MEAK7: variants seen among roughly 807,000 people sequenced by gnomAD.
MEAK7 encodes the protein MTOR-associated protein MEAK7.
MEAK7 carries 68 observed loss-of-function variants against 40.5 expected under a neutral mutation model. That is an observed-to-expected ratio of 1.68 (90% CI 1.38 to 2.06). The LOEUF (loss-of-function observed/expected upper bound fraction) is 2.06. Among genes scored for constraint, MEAK7 ranks in the 30% most tolerant of loss-of-function variants. MEAK7 has a pLI of 0.00. For synonymous variants in MEAK7, 338 were observed against 231.9 expected, an observed-to-expected ratio of 1.46 and a Z score of -4.16; for missense variants, 918 against 580.5, an observed-to-expected ratio of 1.58 and a Z score of -5.98.
chr16:84,497,671 T>G (rs761567464), intron 2 of MEAK7: 7 of 1,462,916 alleles, frequency 4.8e-6, no homozygotes, highest in Non-Finnish European at 6.4e-6. Flanking sequence ...AAGAGACTAT[T>G]GATTTCAAAA....
chr16:84,480,703 C>T lies in MEAK7; in HGVS notation c.1083G>A (p.Met361Ile), dbSNP rs202056370. The part of the protein sequence containing the change: ...GQQTIPNGLG[M>I]GGQHNYFGLW... ...GCCCAAAGTAATTGTGCTGCCCCCC[C>T]ATACCCTGCAAAGGAAGCCAGGACA... Residue 361 changes from methionine (M) to isoleucine (I), a missense_variant, in exon 7 of 8, where the codon ATG becomes ATA. Transcript: ENST00000343629. 8 of 1,610,996 alleles carry T rather than the reference C, an allele frequency of 5.0e-6. No individual in the cohort carries two copies. Among genetic ancestry groups the T allele is most frequent in the East Asian group, 2.2e-5 (1 of 44,794 alleles).
At position 84,477,361 on chromosome 16, in the gene MEAK7, T is replaced by C. The variant is rs1325639785; in HGVS notation, c.*2552A>G. ...CATGTGCCACCATGCCCAGCTAATT[T>C]TGTATTTTTAGTAGAGATGGGGTTT... On this transcript the variant is annotated 3_prime_UTR_variant, in exon 8 of 8. Transcript: ENST00000343629. 6.6e-6 allele frequency: 1 copy of C among 152,146 alleles called. No individual in the cohort carries two copies. The highest frequency in any genetic ancestry group is 1.5e-5 in the Non-Finnish European group (1 of 68,064). The allele number at this position is 152,146 out of a possible 1,614,324, so 9.4% of individuals were successfully genotyped here.
In MEAK7 at chr16:84,486,840, G is replaced by C. The variant is rs754468669; in HGVS notation, c.749C>G (p.Ser250Cys). 6.2e-7 allele frequency: 1 copy of C among 1,614,012 alleles called. No homozygotes were observed. Among genetic ancestry groups the C allele is most frequent in the Non-Finnish European group, 8.5e-7 (1 of 1,180,016 alleles). ...CAGCTGGGCGTTGATGTACATGACA[G>C]AGAGGACATCCAGGATGCTCTCAAA... is the stretch of plus-strand genomic sequence containing the variant. ...RGFESILDVL[S>C]VMYINAQLPR... The change falls in exon 5 of 8, where the codon TCT becomes TGT. Residue 250 changes from serine (S) to cysteine (C), a missense_variant. Ser to Cys is a moderately radical substitution (Grantham distance 112). Coordinates refer to ENST00000343629, the MANE Select transcript of MEAK7 (RefSeq NM_020947.4).
chr16:84,478,620 CGT>C lies in MEAK7; in HGVS notation c.*1291_*1292del, dbSNP rs1195273543. ...ATCTCATGGCCAACCGGTGACTCAC[CGT>C]GTGTTGTTTTCCAGACGTGGGCAGA... On this transcript the variant is annotated 3_prime_UTR_variant, in exon 8 of 8. Coordinates refer to ENST00000343629, the MANE Select transcript of MEAK7 (RefSeq NM_020947.4). The C allele has an allele frequency of 1.3e-5, 2 of 152,200 alleles. No homozygotes were observed. Among genetic ancestry groups the C allele is most frequent in the Non-Finnish European group, 2.9e-5 (2 of 68,048 alleles). 9.4% of individuals were successfully genotyped at this position (152,200 alleles called of 1,614,324 possible).
Position 84,478,006 on chromosome 16 carries a change from A to C in MEAK7, c.*1907T>G, listed in dbSNP as rs531370386. Reference sequence around the variant, plus strand: ...CCTTTGCAGCGGCCTGGGCAGAAGCAGCAATCAATGGTCACCAAGGCACAG... The same window carrying C: ...CCTTTGCAGCGGCCTGGGCAGAAGCCGCAATCAATGGTCACCAAGGCACAG... On this transcript the variant is annotated 3_prime_UTR_variant, in exon 8 of 8. Coordinates refer to ENST00000343629, the MANE Select transcript of MEAK7 (RefSeq NM_020947.4). The C allele has an allele frequency of 6.6e-6, 1 of 152,366 alleles. No individual in the cohort carries two copies. The highest frequency in any genetic ancestry group is 2.4e-5 in the African/African-American group (1 of 41,574). 9.4% of individuals were successfully genotyped at this position (152,366 alleles called of 1,614,324 possible).
At chr16:84,502,331 A>T (rs1278358139) in intron 1 of MEAK7, among the ~76,000 whole-genome samples, 17 of 129,964 alleles carry the variant, frequency 1.3e-4, no homozygotes, top group Non-Finnish European at 5.1e-5. Context: ...GAGGCCAGGG[A>T]TACTGCTAAA....
intron 5 of MEAK7, among the ~76,000 whole-genome samples, chr16:84,483,535 A>T (rs1170438329): frequency 6.6e-6 from 1 of 152,242 alleles, no homozygotes; most frequent in Admixed American, 6.5e-5. Context: ...ATCAGGTGGG[A>T]AAGAAGTCAC....
At chr16:84,494,625 G>C in intron 3 of MEAK7, 1 of 340,984 alleles carries the variant, frequency 2.9e-6, no homozygotes, top group South Asian at 2.3e-5. Context: ...GAGTTTTCCA[G>C]TGTTGTCTTC....
chr16:84,500,914 G>T (rs530841150), intron 1 of MEAK7, among the ~76,000 whole-genome samples: 1 of 151,996 alleles, frequency 6.6e-6, no homozygotes, highest in Admixed American at 6.6e-5. Context: ...CCAACGACAT[G>T]AAACCCCATC....
intron 1 of MEAK7, among the ~76,000 whole-genome samples, chr16:84,498,340 C>T (rs1055062703): frequency 6.6e-6 from 1 of 152,150 alleles, no homozygotes; most frequent in Non-Finnish European, 1.5e-5. Flanking sequence ...GCCATCACAG[C>T]TCCCTGCAGC....
Position 84,486,985 on chromosome 16 carries a change from T to G in MEAK7, c.604A>C (p.Arg202=). 1 of 1,614,160 alleles carries G rather than the reference T, an allele frequency of 6.2e-7. No individual in the cohort carries two copies. The highest frequency in any genetic ancestry group is 8.5e-7 in the Non-Finnish European group (1 of 1,180,026). ...DRAVIEDWVF[R]VPHVAIFLSV... is the part of the protein sequence containing the mutation. ...AGGAATATGGCCACATGGGGGACCCTGAACACCCAGTCCTCGATCACAGCT... is the reference window on the plus strand; with the variant it reads ...AGGAATATGGCCACATGGGGGACCCGGAACACCCAGTCCTCGATCACAGCT... The change falls in exon 5 of 8, where the codon AGG becomes CGG. Residue 202 remains arginine, a synonymous_variant. Coordinates refer to ENST00000343629, the MANE Select transcript of MEAK7 (RefSeq NM_020947.4).
rs750949450 is a variant in MEAK7, at chr16:84,476,981, T to G, written c.*2932A>C. 1 of 152,182 alleles carries G rather than the reference T, an allele frequency of 6.6e-6. No individual in the cohort carries two copies. The highest frequency in any genetic ancestry group is 1.5e-5 in the Non-Finnish European group (1 of 68,076). 9.4% of individuals were successfully genotyped at this position (152,182 alleles called of 1,614,324 possible). A position where few individuals can be genotyped will look rare whatever the true frequency, so the allele number is the denominator to read the frequency against. ...ATCACAGCTTATAGCAGCCTCAACCTTCCAGGCCTAAATGATCCTCACACC... is the reference window on the plus strand; with the variant it reads ...ATCACAGCTTATAGCAGCCTCAACCGTCCAGGCCTAAATGATCCTCACACC... On this transcript the variant is annotated 3_prime_UTR_variant, in exon 8 of 8. Coordinates refer to ENST00000343629, the MANE Select transcript of MEAK7 (RefSeq NM_020947.4).
At chr16:84,489,603 C>CT (rs1208523362) in intron 3 of MEAK7, among the ~76,000 whole-genome samples, 181 bp from the exon 4 acceptor site, 1 of 152,196 alleles carries the variant, frequency 6.6e-6, no homozygotes, top group Non-Finnish European at 1.5e-5. Flanking sequence ...TGGCCTAGAA[C>CT]TTTTCCCAAA....
intron 2 of MEAK7, chr16:84,497,335 A>C: frequency 9.0e-7 from 1 of 1,116,210 alleles, no homozygotes; most frequent in Non-Finnish European, 1.2e-6. Flanking sequence ...GGGCAGTTTT[A>C]ACTCCCTGCA....
rs771842025 is a variant in MEAK7, at chr16:84,498,065, C to T, written c.22G>A (p.Val8Met). The T allele has an allele frequency of 1.7e-5, 28 of 1,612,984 alleles. No homozygotes were observed. The highest frequency in any genetic ancestry group is 2.3e-5 in the Non-Finnish European group (27 of 1,179,438). Residue 8 changes from valine (V) to methionine (M), a missense_variant, in exon 2 of 8, where the codon GTG (valine) becomes ATG (methionine). Transcript: ENST00000343629. MGNSRSR[V>M]GRSFCSQFLP... is the part of the protein sequence containing the mutation. ...AACTGTGAACAAAAGCTCCGCCCCA[C>T]ACGGCTTCTGCTGTTCCCCATCTGT...
In MEAK7 at chr16:84,479,925, C is replaced by A. The variant is rs368856164; in HGVS notation, c.1359G>T (p.Pro453=). ...SRHSEGLREV[P]DDE ...CTCAGGCGGCTCCTCATTCATCGTC[C>A]GGGACTTCCCGGAGCCCTTCGCTGT... Residue 453 remains proline, a synonymous_variant, in exon 8 of 8, where the codon CCG becomes CCT. Coordinates refer to ENST00000343629, the MANE Select transcript of MEAK7 (RefSeq NM_020947.4). 3.7e-6 allele frequency: 6 copies of A among 1,603,558 alleles called. No homozygotes were observed. The highest frequency in any genetic ancestry group is 1.7e-6 in the Non-Finnish European group (2 of 1,172,532).
Position 84,480,576 on chromosome 16 carries a change from C to G in MEAK7, c.1210G>C (p.Asp404His), listed in dbSNP as rs1316319524. 2 of 1,613,984 alleles carry G rather than the reference C, an allele frequency of 1.2e-6. No homozygotes were observed. The highest frequency in any genetic ancestry group is 1.7e-6 in the Non-Finnish European group (2 of 1,179,918). ...QLSAQENFQF[D>H]KMEVWAVGDP... ...CCAACCGCCCACACCTCCATCTTAT[C>G]AAACTGGAAGTTCTCCTGAGCCGAC... The change falls in exon 7 of 8, where the codon GAT (aspartate) becomes CAT (histidine). Residue 404 changes from aspartate to histidine, a missense_variant. By Grantham distance (81) the Asp-to-His change is moderately conservative. Coordinates refer to ENST00000343629, the MANE Select transcript of MEAK7 (RefSeq NM_020947.4).
rs749220172 is a variant in MEAK7, at chr16:84,487,077, T to C, written c.530-18A>G. 2 of 1,599,166 alleles carry C rather than the reference T, an allele frequency of 1.3e-6. No individual in the cohort carries two copies. Among genetic ancestry groups the C allele is most frequent in the South Asian group, 2.3e-5 (2 of 87,750 alleles). On this transcript the variant is annotated intron_variant, in intron 4 of 7. Coordinates refer to ENST00000343629, the MANE Select transcript of MEAK7 (RefSeq NM_020947.4). ...CTTGCCATCTAGGGGAAGGGGATGGTCAGCATTAGTGGGGCTGTTATGTCA... is the reference window on the plus strand; with the variant it reads ...CTTGCCATCTAGGGGAAGGGGATGGCCAGCATTAGTGGGGCTGTTATGTCA...
In MEAK7 at chr16:84,478,019, C is replaced by T. The variant is rs1449553259; in HGVS notation, c.*1894G>A. The T allele has an allele frequency of 6.6e-6, 1 of 151,070 alleles. No homozygotes were observed. Among genetic ancestry groups the T allele is most frequent in the African/African-American group, 2.4e-5 (1 of 41,224 alleles). The allele number at this position is 151,070 out of a possible 1,614,324, so 9.4% of individuals were successfully genotyped here. A position where few individuals can be genotyped will look rare whatever the true frequency, so the allele number is the denominator to read the frequency against. On this transcript the variant is annotated 3_prime_UTR_variant, in exon 8 of 8. Coordinates refer to ENST00000343629, the MANE Select transcript of MEAK7 (RefSeq NM_020947.4). The stretch of plus-strand genomic sequence containing the variant: ...CTGGGCAGAAGCAGCAATCAATGGT[C>T]ACCAAGGCACAGACACTGACGGACA...
Sources: gnomAD v4.1 joint callset for allele counts (sites outside exome capture counted in the v4.1 genomes callset) on GRCh38, gnomAD v4.1.1 for gene constraint, MANE v1.5 for transcripts, NCBI Gene and HGNC (gene_info 2026-07-23, HGNC 2026-07-21) for gene names.